MPHOSPH9: variants seen among roughly 807,000 people sequenced by gnomAD.
MPHOSPH9 encodes M-phase phosphoprotein 9.
In MPHOSPH9, 88 loss-of-function variants were observed where a neutral mutation model predicts 145.5. That is an observed-to-expected ratio of 0.60 (90% CI 0.51 to 0.72). The LOEUF (loss-of-function observed/expected upper bound fraction) is 0.72, where lower values mean the gene tolerates loss of function less well. Ranked by LOEUF, MPHOSPH9 falls within the 30% of genes least tolerant of loss-of-function variation. The pLI, the probability that MPHOSPH9 is intolerant of heterozygous loss-of-function variation, is 0.00. For missense variants in MPHOSPH9, 1,238 were observed against 1,386.6 expected (o/e 0.89, Z 1.70); for synonymous variants, 435 against 486.2 (o/e 0.89, Z 1.39).
rs567430284 is a variant in MPHOSPH9, at chr12:123,218,345, G to C, written c.996+31C>G. ...TAAACCCACATAATCATCAGTACTG[G>C]AGCCCGCAGGGAAAGTGACTAGTCA... On this transcript the variant is annotated intron_variant, in intron 6 of 23. Coordinates refer to ENST00000606320, the MANE Select transcript of MPHOSPH9 (RefSeq NM_022782.4). The C allele has an allele frequency of 1.2e-5, 20 of 1,613,076 alleles. No individual in the cohort carries two copies. In the African/African-American group the frequency reaches 2.4e-4, roughly 19 times the overall value.
In MPHOSPH9 at chr12:123,232,357, C is replaced by T. The variant is rs572495312; in HGVS notation, c.-159+718G>A. Among the ~76,000 whole-genome samples, 29 of 152,014 alleles carry T rather than the reference C, an allele frequency of 1.9e-4. 1 individual carries two copies. Among genetic ancestry groups the T allele is most frequent in the Non-Finnish European group, 2.2e-4 (15 of 68,006 alleles). ...GAAGTAAGAGGGAAAAATCCTTAAA[C>T]ACCCACAAATACAATGCAAAAAAAA... On this transcript the variant is annotated intron_variant, in intron 1 of 23. Transcript: ENST00000606320.
chr12:123,182,249 GT>G (rs72067812), intron 13 of MPHOSPH9, among the ~76,000 whole-genome samples: 4 of 137,264 alleles, frequency 2.9e-5, no homozygotes, highest in Admixed American at 7.3e-5. Context: ...TTTTTTTTGT[GT>G]TTTTTTTTTT....
intron 8 of MPHOSPH9, among the ~76,000 whole-genome samples, chr12:123,209,740 T>G (rs1256640537): frequency 1.3e-4 from 19 of 146,528 alleles, no homozygotes; most frequent in African/African-American, 4.2e-4. Flanking sequence ...TTTTGTTGTT[T>G]TTTTTTTTTT....
At chr12:123,183,124 A>G (rs2045266728) in intron 13 of MPHOSPH9, among the ~76,000 whole-genome samples, 2 of 152,166 alleles carry the variant, frequency 1.3e-5, no homozygotes, top group South Asian at 4.1e-4. Flanking sequence ...AAGATGACAA[A>G]TTAATAACAG....
chr12:123,230,237 AT>A (rs769774181), intron 2 of MPHOSPH9, 23 bp downstream of exon 2: 268 of 1,274,298 alleles, frequency 2.1e-4, no homozygotes, highest in Non-Finnish European at 2.6e-4. Context: ...GATTTGGTAC[AT>A]TTTTTTTAAA....
intron 16 of MPHOSPH9, among the ~76,000 whole-genome samples, chr12:123,170,633 C>T (rs1405912665): frequency 6.6e-6 from 1 of 152,146 alleles, no homozygotes; most frequent in Non-Finnish European, 1.5e-5. Flanking sequence ...TGTGTTAGTA[C>T]ATATAAGCTC....
rs1490677397 is a variant in MPHOSPH9 at position 123,176,670 on chromosome 12, G to A, written c.2456+18C>T. ...GCACCTATTTCTAGCTTTATAGAGA[G>A]TAAATGAAATAACTTACTTGGCACG... On this transcript the variant is annotated intron_variant, in intron 16 of 23. Coordinates refer to ENST00000606320, the MANE Select transcript of MPHOSPH9 (RefSeq NM_022782.4). 1.9e-6 allele frequency: 3 copies of A among 1,561,892 alleles called. No individual in the cohort carries two copies. Among genetic ancestry groups the A allele is most frequent in the Non-Finnish European group, 2.6e-6 (3 of 1,133,168 alleles).
intron 3 of MPHOSPH9, among the ~76,000 whole-genome samples, chr12:123,224,261 G>C (rs1168621581): frequency 6.6e-6 from 1 of 150,826 alleles, no homozygotes; most frequent in Non-Finnish European, 1.5e-5. Flanking sequence ...CAGCCCCCAA[G>C]TAGCTGGGAC....
chr12:123,183,547 C>CAAAAAAAAAAAAAAAAAA (rs746928699), intron 13 of MPHOSPH9, among the ~76,000 whole-genome samples: 1 of 59,986 alleles, frequency 1.7e-5, no homozygotes, highest in Non-Finnish European at 2.8e-5. Flanking sequence ...GACTCTGTCT[C>CAAAAAAAAAAAAAAAAAA]AAAAAAAAAA....
intron 13 of MPHOSPH9, among the ~76,000 whole-genome samples, chr12:123,193,071 CAA>C (rs768866302): frequency 5.1e-3 from 152 of 29,564 alleles, no homozygotes; most frequent in Middle Eastern, 0.053. Context: ...GATTGTCTTT[CAA>C]AAAAAAAAAA....
intron 21 of MPHOSPH9, 95 bp downstream of exon 21, chr12:123,162,020 T>G (rs1048256370): frequency 1.4e-6 from 1 of 714,506 alleles, no homozygotes; most frequent in Non-Finnish European, 2.1e-6. Context: ...AATATTTAAG[T>G]GCAAGATATT....
chr12:123,198,480 T>C (rs2046072205), intron 11 of MPHOSPH9, 146 bp from the exon 12 acceptor site: 3 of 677,510 alleles, frequency 4.4e-6, no homozygotes, highest in African/African-American at 1.8e-5. Flanking sequence ...TAATAGAATA[T>C]AGCCCAATGA....
At chr12:123,219,190 C>T (rs913677918) in intron 5 of MPHOSPH9, among the ~76,000 whole-genome samples, 1 of 152,018 alleles carries the variant, frequency 6.6e-6, no homozygotes, top group Non-Finnish European at 1.5e-5. Context: ...CAAGTGTGAG[C>T]CACTGCGCCC....
In MPHOSPH9 at chr12:123,202,633, A is replaced by T. The variant is rs774388180; in HGVS notation, c.1772T>A (p.Ile591Lys). 1 of 1,612,568 alleles carries T rather than the reference A, an allele frequency of 6.2e-7. No homozygotes were observed. Among genetic ancestry groups the T allele is most frequent in the South Asian group, 1.1e-5 (1 of 91,000 alleles). ...ISLTSLEDPV[I>K]LSKIRQNLKE... ...TCACTGAAATACATACTTAGACAAT[A>T]TCACAGGATCTTCCAAGGAAGTCAA... is the stretch of plus-strand genomic sequence containing the variant. The change falls in exon 10 of 24, where the codon ATA becomes AAA. Residue 591 changes from isoleucine (I) to lysine (K), a missense_variant. By Grantham distance (102) the Ile-to-Lys change is moderately radical. Transcript: ENST00000606320.
intron 16 of MPHOSPH9, among the ~76,000 whole-genome samples, chr12:123,173,285 A>G (rs1230533602): frequency 1.3e-5 from 2 of 152,090 alleles, no homozygotes; most frequent in African/African-American, 2.4e-5. Flanking sequence ...CTTCACCTTG[A>G]TCTCTCAAGC....
At chr12:123,224,976 T>A (rs2047377381) in intron 3 of MPHOSPH9, among the ~76,000 whole-genome samples, 1 of 152,224 alleles carries the variant, frequency 6.6e-6, no homozygotes. Flanking sequence ...AACATGTGCC[T>A]GACATGGATA....
At chr12:123,219,552 CAAAAAAAAAAAA>C (rs778997410) in intron 5 of MPHOSPH9, among the ~76,000 whole-genome samples, 2 of 49,936 alleles carry the variant, frequency 4.0e-5, no homozygotes, top group Non-Finnish European at 8.4e-5. Context: ...GACTCTGTCT[CAAAAAAAAAAAA>C]AAAAAAAAGA....
At chr12:123,185,680 G>A (rs2045411650) in intron 13 of MPHOSPH9, among the ~76,000 whole-genome samples, 1 of 152,156 alleles carries the variant, frequency 6.6e-6, no homozygotes, top group Non-Finnish European at 1.5e-5. Context: ...TGGAGGTTGA[G>A]GCTGCAGTGA....
At chr12:123,223,209 C>T (rs1193838323) in intron 3 of MPHOSPH9, 82 bp from the exon 4 acceptor site, 1 of 861,856 alleles carries the variant, frequency 1.2e-6, no homozygotes, top group African/African-American at 1.8e-5. Context: ...TGTAAAAGAG[C>T]CCTTTTTAGG....
Sources: gnomAD v4.1 joint callset for allele counts (sites outside exome capture counted in the v4.1 genomes callset) on GRCh38, gnomAD v4.1.1 for gene constraint, MANE v1.5 for transcripts, NCBI Gene and HGNC (gene_info 2026-07-23, HGNC 2026-07-21) for gene names.